The following PARD3B variants were observed in gnomAD, a reference collection of about 807,000 sequenced individuals.
PARD3B encodes par-3 family cell polarity regulator beta, also known as partitioning defective 3 homolog B.
Under a neutral mutation model 130.2 loss-of-function variants are expected in PARD3B, and 103 were observed. The observed-to-expected ratio is 0.79, with a 90% CI of 0.67 to 0.93. PARD3B has a LOEUF of 0.93. PARD3B is among the 40% of genes least tolerant of loss of function. The probability of loss-of-function intolerance (pLI) is 0.00; values close to 1 mark genes in which losing one functional copy is unlikely to be tolerated. For missense variants in PARD3B, 1,609 were observed against 1,499.2 expected (o/e 1.07, Z -1.21); for synonymous variants, 583 against 553.2 (o/e 1.05, Z -0.76).
chr2:204,784,677 T>G lies in PARD3B; in HGVS notation c.222+98395T>G, dbSNP rs145407095. ...TGGAACCAAACTACCAAGGCTAACATTGCTTCTGGGGGCAATTGTTTCTGT... is the reference window on the plus strand; with the variant it reads ...TGGAACCAAACTACCAAGGCTAACAGTGCTTCTGGGGGCAATTGTTTCTGT... On this transcript the variant is annotated intron_variant, in intron 2 of 22. Transcript: ENST00000406610. Among the ~76,000 whole-genome samples the G allele has an allele frequency of 1.8e-4, 27 of 152,322 alleles. No individual in the cohort carries two copies. In the East Asian group the frequency reaches 5.2e-3, roughly 29 times the overall value.
At chr2:204,714,141 C>A (rs1030546990) in intron 2 of PARD3B, among the ~76,000 whole-genome samples, 4 of 152,120 alleles carry the variant, frequency 2.6e-5, no homozygotes. Flanking sequence ...TTCCTTCTCT[C>A]CTTATTTATA....
chr2:204,833,199 A>C (rs1217346522), intron 2 of PARD3B, among the ~76,000 whole-genome samples: 2 of 152,242 alleles, frequency 1.3e-5, no homozygotes, highest in Non-Finnish European at 2.9e-5. Context: ...TAAATCTTGG[A>C]GTCCAAGTAT....
intron 18 of PARD3B, among the ~76,000 whole-genome samples, chr2:205,395,896 C>T (rs1307630475): frequency 2.0e-5 from 3 of 152,198 alleles, no homozygotes; most frequent in African/African-American, 7.2e-5. Context: ...AGTTTCCTCA[C>T]CTAGCTTCTC....
chr2:204,559,258 T>C (rs910402814), intron 1 of PARD3B, among the ~76,000 whole-genome samples: 3 of 152,080 alleles, frequency 2.0e-5, no homozygotes, highest in East Asian at 1.9e-4. Flanking sequence ...AACAGGCAAC[T>C]TACAGAATGG....
intron 19 of PARD3B, among the ~76,000 whole-genome samples, chr2:205,436,626 A>G (rs1219151904): frequency 6.6e-6 from 1 of 152,130 alleles, no homozygotes; most frequent in Admixed American, 6.6e-5. Context: ...AGTATTAAAT[A>G]ACATGGGCAT....
chr2:204,921,499 G>A (rs1247261201), intron 2 of PARD3B, among the ~76,000 whole-genome samples: 1 of 141,072 alleles, frequency 7.1e-6, no homozygotes, highest in Non-Finnish European at 1.6e-5. Flanking sequence ...TTGAAGTCTA[G>A]TTAAGATGTT....
chr2:205,080,744 C>A (rs1701356276), intron 4 of PARD3B, among the ~76,000 whole-genome samples: 1 of 152,042 alleles, frequency 6.6e-6, no homozygotes, highest in Admixed American at 6.6e-5. Context: ...ATACTCACAC[C>A]AGCAGTATGA....
In PARD3B at chr2:205,386,138, C is replaced by G. The variant is rs188865542; in HGVS notation, c.2631-14875C>G. On this transcript the variant is annotated intron_variant, in intron 18 of 22. Coordinates refer to ENST00000406610, the MANE Select transcript of PARD3B (RefSeq NM_001302769.2). ...TCTGGAATCGTGTTTTGTCTTTCAC[C>G]TGTGAAAATGTTACTGTTAATCCAC... Among the ~76,000 whole-genome samples the G allele has an allele frequency of 5.3e-4, 81 of 152,256 alleles. 1 individual carries two copies. The South Asian group carries it at 7.9e-3, about 15-fold the overall frequency.
intron 19 of PARD3B, among the ~76,000 whole-genome samples, chr2:205,430,610 C>G (rs2047299145): frequency 6.6e-6 from 1 of 152,090 alleles, no homozygotes. Context: ...AGAAGTTACT[C>G]TTCATAAACA....
chr2:204,815,502 T>C (rs1045670055), intron 2 of PARD3B, among the ~76,000 whole-genome samples: 1 of 152,006 alleles, frequency 6.6e-6, no homozygotes, highest in East Asian at 1.9e-4. Context: ...ATTTATTTTC[T>C]GTATTATTTC....
chr2:205,113,932 A>G (rs1406298209), intron 6 of PARD3B, among the ~76,000 whole-genome samples: 1 of 152,140 alleles, frequency 6.6e-6, no homozygotes, highest in Non-Finnish European at 1.5e-5. Context: ...ATATACTTCA[A>G]CAAGTGAGTA....
In PARD3B at chr2:205,230,808, A is replaced by T. The variant is rs2038797744; in HGVS notation, c.2141-14970A>T. 1.3e-5 allele frequency among the ~76,000 whole-genome samples: 2 copies of T among 152,076 alleles called. No homozygotes were observed. Among genetic ancestry groups the T allele is most frequent in the African/African-American group, 4.8e-5 (2 of 41,424 alleles). Reference sequence around the variant, plus strand: ...AAGGCTTGGCAGAACTCAGGTTCTGACTGCTGGGATGGGCAATTTCCCTCT... The same window carrying T: ...AAGGCTTGGCAGAACTCAGGTTCTGTCTGCTGGGATGGGCAATTTCCCTCT... On this transcript the variant is annotated intron_variant, in intron 15 of 22. Coordinates refer to ENST00000406610, the MANE Select transcript of PARD3B (RefSeq NM_001302769.2). This position sits in a 1 kb window ranked among gnomAD's most constrained non-coding sequence, Gnocchi z 4.1.
chr2:205,106,205 T>A (rs186045513), intron 5 of PARD3B, among the ~76,000 whole-genome samples: 2 of 152,228 alleles, frequency 1.3e-5, no homozygotes, highest in African/African-American at 2.4e-5. Flanking sequence ...TGGAGTGCAA[T>A]GGCGTGATCT....
chr2:205,030,683 A>G (rs764689466), intron 3 of PARD3B, among the ~76,000 whole-genome samples: 23 of 152,170 alleles, frequency 1.5e-4, no homozygotes, highest in Admixed American at 2.6e-4. Context: ...TAGATAGGAA[A>G]CAAAATCTAT....
intron 15 of PARD3B, among the ~76,000 whole-genome samples, chr2:205,198,234 T>C (rs2036799004): frequency 6.6e-6 from 1 of 152,144 alleles, no homozygotes; most frequent in Non-Finnish European, 1.5e-5. Context: ...ATAACACAGT[T>C]TGGAGAAGGC....
In PARD3B at chr2:205,581,418, A is replaced by AATATATAAAT. The variant is rs1229727390; in HGVS notation, c.3260+28042_3260+28051dup. Among the ~76,000 whole-genome samples the AATATATAAAT allele has an allele frequency of 2.0e-4, 17 of 86,422 alleles. No individual in the cohort carries two copies. In the East Asian group the frequency reaches 2.0e-3, roughly 10 times the overall value. 56.7% of individuals were successfully genotyped at this position (86,422 alleles called of 152,430 possible). A position where few individuals can be genotyped will look rare whatever the true frequency, so the allele number is the denominator to read the frequency against. On this transcript the variant is annotated intron_variant, in intron 22 of 22. Transcript: ENST00000406610. ...ATAAATATATATATAAGTATATATA[A>AATATATAAAT]ATATATAAATATATATAAATATATA...
At chr2:204,854,380 A>G (rs557274689) in intron 2 of PARD3B, among the ~76,000 whole-genome samples, 2 of 152,298 alleles carry the variant, frequency 1.3e-5, no homozygotes, top group African/African-American at 2.4e-5. Flanking sequence ...TAGAATAAAG[A>G]CAAGGATTTT....
intron 22 of PARD3B, among the ~76,000 whole-genome samples, chr2:205,609,003 A>G (rs139699041): frequency 2.0e-5 from 3 of 152,336 alleles, no homozygotes; most frequent in African/African-American, 7.2e-5. Flanking sequence ...CTCTTCTCAT[A>G]ACACAATGGG....
chr2:205,028,770 A>T (rs1319990464), intron 3 of PARD3B, among the ~76,000 whole-genome samples: 1 of 152,156 alleles, frequency 6.6e-6, no homozygotes, highest in East Asian at 1.9e-4. Context: ...TACATAGAAA[A>T]CCCTAAGGAA....
Sources: allele counts gnomAD v4.1 joint callset (sites outside exome capture counted in the v4.1 genomes callset), GRCh38; gene constraint gnomAD v4.1.1; non-coding constraint Gnocchi (gnomAD v3.1); transcripts MANE v1.5; gene names NCBI Gene and HGNC (gene_info 2026-07-23, HGNC 2026-07-21).